Variants in FBXO39 observed in about 807,000 individuals in gnomAD.
The protein encoded by FBXO39 is F-box protein 39.
Under a neutral mutation model 36.6 loss-of-function variants are expected in FBXO39, and 22 were observed. The observed-to-expected ratio is 0.60, with a 90% CI of 0.43 to 0.86. The LOEUF is 0.86. Ranked by LOEUF, FBXO39 falls within the 40% of genes least tolerant of loss-of-function variation. FBXO39 has a pLI of 0.00. For missense variants in FBXO39, 536 were observed against 543.9 expected (o/e 0.99, Z 0.14); for synonymous variants, 206 against 205.8 (o/e 1.00, Z -0.01).
At chr17:6,783,068 C>T (rs1976527746) in intron 2 of FBXO39, among the ~76,000 whole-genome samples, 1 of 152,074 alleles carries the variant, frequency 6.6e-6, no homozygotes, top group Non-Finnish European at 1.5e-5. Flanking sequence ...TTATAGCAAG[C>T]ATCTTCTCTG....
In FBXO39 at chr17:6,780,019, T is replaced by A; in HGVS notation, c.151T>A (p.Tyr51Asn). 1.2e-6 allele frequency: 2 copies of A among 1,614,206 alleles called. No individual in the cohort carries two copies. Among genetic ancestry groups the A allele is most frequent in the Non-Finnish European group, 1.7e-6 (2 of 1,180,034 alleles). The change falls in exon 2 of 4, where the codon TAT becomes AAT. Residue 51 changes from tyrosine to asparagine, a missense_variant. Coordinates refer to ENST00000321535, the MANE Select transcript of FBXO39 (RefSeq NM_153230.3). ...LVCRKWNQMM[Y>N]SAELWRYRTI... ...CTGCAGAAAGTGGAACCAGATGATG[T>A]ATTCTGCTGAGCTCTGGCGGTACAG...
chr17:6,785,009 A>C (rs947031221), intron 2 of FBXO39, among the ~76,000 whole-genome samples: 1 of 151,460 alleles, frequency 6.6e-6, no homozygotes, highest in Non-Finnish European at 1.5e-5. Context: ...GTCCTGACCA[A>C]AAAGAACAAA....
Position 6,779,890 on chromosome 17 carries a change from A to G in FBXO39, c.22A>G (p.Ile8Val), listed in dbSNP as rs61753143. The G allele has an allele frequency of 6.2e-7, 1 of 1,614,042 alleles. No individual in the cohort carries two copies. The highest frequency in any genetic ancestry group is 8.5e-7 in the Non-Finnish European group (1 of 1,180,036). ...CTGGATGGACGAAGAAAGTGAACTG[A>G]TCCAGCCCCAAGACCAGAGCTGCTG... MDEESEL[I>V]QPQDQSCWAF... Residue 8 changes from isoleucine (I) to valine (V), a missense_variant, in exon 2 of 4, where the codon ATC (isoleucine) becomes GTC (valine). Transcript: ENST00000321535.
rs764959961 is a variant in FBXO39, at chr17:6,780,898, A to T, written c.1023+7A>T. 2.2e-5 allele frequency: 36 copies of T among 1,603,520 alleles called. No individual in the cohort carries two copies. Among genetic ancestry groups the T allele is most frequent in the Non-Finnish European group, 2.1e-5 (25 of 1,177,330 alleles). On this transcript the variant is annotated splice_region_variant and intron_variant, in intron 2 of 3. Transcript: ENST00000321535. ...CTTCCGGCACACTCTGCAGGTAGGT[A>T]GGACTTGTGAGGAGTGACTGCTGTT... is the stretch of plus-strand genomic sequence containing the variant.
chr17:6,781,030 A>C, intron 2 of FBXO39, 139 bp downstream of exon 2: 1 of 902,916 alleles, frequency 1.1e-6, no homozygotes, highest in Non-Finnish European at 1.6e-6. Flanking sequence ...ACCACCAACT[A>C]AGCCTCCTGC....
chr17:6,780,040 T>C lies in FBXO39; in HGVS notation c.172T>C (p.Tyr58His). 1 of 1,614,234 alleles carries C rather than the reference T, an allele frequency of 6.2e-7. No individual in the cohort carries two copies. Among genetic ancestry groups the C allele is most frequent in the Non-Finnish European group, 8.5e-7 (1 of 1,180,040 alleles). ...QMMYSAELWR[Y>H]RTITFSGRPS... ...GATGTATTCTGCTGAGCTCTGGCGGTACAGAACCATCACCTTCAGCGGGAG... is the reference window on the plus strand; with the variant it reads ...GATGTATTCTGCTGAGCTCTGGCGGCACAGAACCATCACCTTCAGCGGGAG... The change falls in exon 2 of 4, where the codon TAC (tyrosine) becomes CAC (histidine). Residue 58 changes from tyrosine to histidine, a missense_variant. By Grantham distance (83) the Tyr-to-His change is moderately conservative. Transcript: ENST00000321535.
intron 1 of FBXO39, among the ~76,000 whole-genome samples, chr17:6,778,333 C>T (rs1597773715): frequency 1.3e-5 from 2 of 152,304 alleles, no homozygotes; most frequent in East Asian, 3.9e-4. Context: ...AGAGAGGGGT[C>T]TTGCACAGAC....
intron 2 of FBXO39, among the ~76,000 whole-genome samples, chr17:6,786,458 C>T (rs1199336617): frequency 6.6e-6 from 1 of 151,880 alleles, no homozygotes; most frequent in African/African-American, 2.4e-5. Flanking sequence ...TGTCTATAGT[C>T]AATCATCATT....
intron 1 of FBXO39, among the ~76,000 whole-genome samples, chr17:6,779,583 C>G (rs565748939): frequency 2.0e-5 from 3 of 152,218 alleles, no homozygotes; most frequent in Non-Finnish European, 4.4e-5. Flanking sequence ...CCTTCCTGCT[C>G]TCTCACAGGG....
Position 6,787,572 on chromosome 17 carries a change from C to A in FBXO39, c.*144C>A, listed in dbSNP as rs1976592498. 5 of 917,866 alleles carry A rather than the reference C, an allele frequency of 5.4e-6. No individual in the cohort carries two copies. Among genetic ancestry groups the A allele is most frequent in the Admixed American group, 2.5e-5 (1 of 39,532 alleles). 56.9% of individuals were successfully genotyped at this position (917,866 alleles called of 1,614,324 possible). On this transcript the variant is annotated 3_prime_UTR_variant, in exon 4 of 4. Coordinates refer to ENST00000321535, the MANE Select transcript of FBXO39 (RefSeq NM_153230.3). ...TTTTGTCAGCTCCATGACAACATGACCAGCTCAGCAAAGGCTGAGACTGCC... is the reference window on the plus strand; with the variant it reads ...TTTTGTCAGCTCCATGACAACATGAACAGCTCAGCAAAGGCTGAGACTGCC...
At position 6,780,308 on chromosome 17, in the gene FBXO39, G is replaced by C; in HGVS notation, c.440G>C (p.Ser147Thr). 6.2e-7 allele frequency: 1 copy of C among 1,614,148 alleles called. No homozygotes were observed. Among genetic ancestry groups the C allele is most frequent in the Non-Finnish European group, 8.5e-7 (1 of 1,180,038 alleles). Reference sequence around the variant, plus strand: ...CTGGTATGGAGGAACAGCATCAGGAGCTCATTCATCAGCAGCTTGAGCTTC... The same window carrying C: ...CTGGTATGGAGGAACAGCATCAGGACCTCATTCATCAGCAGCTTGAGCTTC... ...DRLVWRNSIR[S>T]SFISSLSFFL... Residue 147 changes from serine (S) to threonine (T), a missense_variant, in exon 2 of 4, where the codon AGC becomes ACC. Ser to Thr is a moderately conservative substitution (Grantham distance 58, BLOSUM62 1). Coordinates refer to ENST00000321535, the MANE Select transcript of FBXO39 (RefSeq NM_153230.3).
chr17:6,786,430 T>C (rs1976571294), intron 2 of FBXO39, among the ~76,000 whole-genome samples: 1 of 152,138 alleles, frequency 6.6e-6, no homozygotes, highest in East Asian at 1.9e-4. Flanking sequence ...AGATCTAGTA[T>C]TTGATAGCAC....
intron 2 of FBXO39, 28 bp from the exon 3 acceptor site, chr17:6,786,752 C>A: frequency 6.4e-7 from 1 of 1,573,170 alleles, no homozygotes; most frequent in Non-Finnish European, 8.6e-7. Flanking sequence ...TCTGCCCACA[C>A]ACATCTTCCC....
chr17:6,787,429 T>TGA lies in FBXO39; in HGVS notation c.*3_*4dup. 3 of 1,613,842 alleles carry TGA rather than the reference T, an allele frequency of 1.9e-6. No individual in the cohort carries two copies. The highest frequency in any genetic ancestry group is 2.5e-6 in the Non-Finnish European group (3 of 1,179,822). On this transcript the variant is annotated 3_prime_UTR_variant, in exon 4 of 4. Transcript: ENST00000321535. Reference sequence around the variant, plus strand: ...TGTCATCGTTTACTCTGTGATGTAATGAGCACTCTACAGATGAAGAAAGCT... The same window carrying TGA: ...TGTCATCGTTTACTCTGTGATGTAATGAGAGCACTCTACAGATGAAGAAAGCT...
intron 1 of FBXO39, among the ~76,000 whole-genome samples, chr17:6,777,884 G>A (rs1396628056): frequency 1.3e-5 from 2 of 152,192 alleles, no homozygotes; most frequent in Admixed American, 6.5e-5. Context: ...AGTCCTTTAC[G>A]GAAGTCTGTT....
chr17:6,785,077 A>ATATTACAAAGCTATAGT (rs1172767756), intron 2 of FBXO39, among the ~76,000 whole-genome samples: 9,289 of 151,464 alleles, frequency 0.061, 914 homozygotes, highest in African/African-American at 0.21. Flanking sequence ...AGTCACTAAA[A>ATATTACAAAGCTATAGT]CAGCATGAGA....
chr17:6,780,150 C>A lies in FBXO39; in HGVS notation c.282C>A (p.Val94=). 1 of 1,614,182 alleles carries A rather than the reference C, an allele frequency of 6.2e-7. No homozygotes were observed. Among genetic ancestry groups the A allele is most frequent in the South Asian group, 1.1e-5 (1 of 91,080 alleles). ...KFGRYLEHLE[V]KFMNPYNAVL... is the part of the protein sequence containing the mutation. Reference sequence around the variant, plus strand: ...GTCGTTATCTGGAGCACCTGGAGGTCAAATTCATGAATCCTTACAATGCTG... The same window carrying A: ...GTCGTTATCTGGAGCACCTGGAGGTAAAATTCATGAATCCTTACAATGCTG... The change falls in exon 2 of 4, where the codon GTC becomes GTA. Residue 94 remains valine, a synonymous_variant. Transcript: ENST00000321535.
At position 6,782,385 on chromosome 17, in the gene FBXO39, C is replaced by G. The variant is rs57012660; in HGVS notation, c.1023+1494C>G. 1.8e-3 allele frequency among the ~76,000 whole-genome samples: 272 copies of G among 152,140 alleles called. 1 individual carries two copies. Among genetic ancestry groups the G allele is most frequent in the African/African-American group, 6.4e-3 (265 of 41,520 alleles). ...AGAAGGAAGAGAAGACCGCAAAAAA[C>G]CAGAAAACAAATAACGAAATGTCCC... On this transcript the variant is annotated intron_variant, in intron 2 of 3. Coordinates refer to ENST00000321535, the MANE Select transcript of FBXO39 (RefSeq NM_153230.3).
chr17:6,783,676 C>T (rs1008827755), intron 2 of FBXO39, among the ~76,000 whole-genome samples: 2 of 152,018 alleles, frequency 1.3e-5, no homozygotes, highest in African/African-American at 2.4e-5. Context: ...TTCCTACACA[C>T]GTACAAACTA....
Sources: allele counts gnomAD v4.1 joint callset (sites outside exome capture counted in the v4.1 genomes callset), GRCh38; gene constraint gnomAD v4.1.1; transcripts MANE v1.5; gene names NCBI Gene and HGNC (gene_info 2026-07-23, HGNC 2026-07-21).